XAF1: variants seen among roughly 807,000 people sequenced by gnomAD.
XAF1 encodes XIAP associated factor 1.
XAF1 carries 32 observed loss-of-function variants against 32.3 expected under a neutral mutation model. The observed-to-expected ratio is 0.99, with a 90% CI of 0.75 to 1.33. The LOEUF is 1.33. Among genes scored for constraint, XAF1 ranks in the 40% most tolerant of loss-of-function variants. The pLI, the probability that XAF1 is intolerant of heterozygous loss-of-function variation, is 0.00. For missense variants in XAF1, 379 were observed against 366.0 expected (o/e 1.04, Z -0.29); for synonymous variants, 120 against 125.9 (o/e 0.95, Z 0.31).
chr17:6,757,095 G>A (rs564746023), intron 1 of XAF1, among the ~76,000 whole-genome samples: 13 of 151,836 alleles, frequency 8.6e-5, no homozygotes, highest in African/African-American at 3.1e-4. Flanking sequence ...TTCATCTCTC[G>A]GGTTCAAGTG....
At chr17:6,761,309 A>T (rs1362520861) in intron 4 of XAF1, among the ~76,000 whole-genome samples, 1 of 152,186 alleles carries the variant, frequency 6.6e-6, no homozygotes, top group Non-Finnish European at 1.5e-5. Flanking sequence ...TAGAGGCAAA[A>T]ATAAGACTGG....
chr17:6,756,474 G>T (rs1306885948), intron 1 of XAF1, among the ~76,000 whole-genome samples: 1 of 151,942 alleles, frequency 6.6e-6, no homozygotes, highest in Non-Finnish European at 1.5e-5. Flanking sequence ...GTGAAAGAAA[G>T]TGTCCCACGG....
chr17:6,755,872 G>A, upstream of XAF1: 1 of 1,392,022 alleles, frequency 7.2e-7, no homozygotes, highest in Non-Finnish European at 9.3e-7. Context: ...AAGAATGACG[G>A]CCAAGGGCGA....
At chr17:6,760,983 C>T (rs1447506017) in intron 4 of XAF1, among the ~76,000 whole-genome samples, 2 of 152,038 alleles carry the variant, frequency 1.3e-5, no homozygotes, top group Admixed American at 6.5e-5. Flanking sequence ...GGAGAAACCC[C>T]GTCTCTACTA....
chr17:6,757,942 A>G (rs1321023738), intron 1 of XAF1, 147 bp from the exon 2 acceptor site: 5 of 1,069,150 alleles, frequency 4.7e-6, no homozygotes, highest in Non-Finnish European at 4.1e-6. Context: ...GGACCCACAC[A>G]GGGAGTGTGG....
intron 5 of XAF1, among the ~76,000 whole-genome samples, chr17:6,767,902 T>C (rs1363092917): frequency 1.3e-5 from 2 of 152,212 alleles, no homozygotes; most frequent in African/African-American, 4.8e-5. Flanking sequence ...ATACTTGACT[T>C]AATAAAGTCT....
In XAF1 at chr17:6,759,772, A is replaced by C. The variant is rs191877368; in HGVS notation, c.225+54A>C. On this transcript the variant is annotated intron_variant, in intron 3 of 6. Transcript: ENST00000361842. ...CAGCCAAATAGACCAACCTGAGAAA[A>C]GGAGAGGAAGGGGAAACGGGAGGCC... 1.9e-6 allele frequency: 3 copies of C among 1,613,450 alleles called. No individual in the cohort carries two copies. The African/African-American group carries it at 4.0e-5, about 22-fold the overall frequency.
Position 6,761,078 on chromosome 17 carries a change from C to T in XAF1, c.421+477C>T, listed in dbSNP as rs569003911. On this transcript the variant is annotated intron_variant, in intron 4 of 6. Coordinates refer to ENST00000361842, the MANE Select transcript of XAF1 (RefSeq NM_017523.5). ...CTGAGGCAGGAGAATCACTTGAACC[C>T]GGTAGGCGGAGGTTGCAGTGAGTCG... Among the ~76,000 whole-genome samples, 242 of 152,190 alleles carry T rather than the reference C, an allele frequency of 1.6e-3. 1 individual carries two copies. Among genetic ancestry groups the T allele is most frequent in the Middle Eastern group, 3.4e-3 (1 of 294 alleles).
chr17:6,764,712 T>A (rs1000328839), intron 5 of XAF1, among the ~76,000 whole-genome samples: 2 of 152,072 alleles, frequency 1.3e-5, no homozygotes, highest in East Asian at 3.9e-4. Context: ...TAAGCTACCA[T>A]CTTGTTTCTT....
chr17:6,760,283 G>A (rs2151533613), intron 3 of XAF1, 123 bp from the exon 4 acceptor site: 1 of 939,436 alleles, frequency 1.1e-6, no homozygotes, highest in East Asian at 2.7e-5. Context: ...GGGAGGCGGA[G>A]GTTGCAGTGA....
At chr17:6,759,249 C>T (rs1410305064) in intron 2 of XAF1, 8 of 1,102,396 alleles carry the variant, frequency 7.3e-6, no homozygotes, top group Non-Finnish European at 1.1e-6. Context: ...CAATCCTTTC[C>T]CTACAGGCTT....
intron 6 of XAF1, 79 bp downstream of exon 6, chr17:6,771,063 T>C (rs911958380): frequency 1.2e-5 from 18 of 1,486,058 alleles, no homozygotes; most frequent in Non-Finnish European, 1.6e-5. Flanking sequence ...ACCTGAAAGA[T>C]GTTCACAAAT....
chr17:6,766,081 C>T (rs1006588787), intron 5 of XAF1, among the ~76,000 whole-genome samples: 2 of 152,140 alleles, frequency 1.3e-5, no homozygotes, highest in Non-Finnish European at 2.9e-5. Flanking sequence ...TACCTCCTCA[C>T]CTTCCCCACC....
rs2151525879 is a variant in XAF1 at position 6,758,148 on chromosome 17, T to C, written c.92T>C (p.Leu31Pro). ...TLHEAYCLRF[L>P]VLCPECEEPV... ...CATGAGGCTTACTGCCTGCGGTTCC[T>C]GGTCCTGTGTCCGGAGTGTGAGGAG... Residue 31 changes from leucine to proline, a missense_variant, in exon 2 of 7, where the codon CTG becomes CCG. Leu to Pro is a moderately conservative substitution (Grantham distance 98). Transcript: ENST00000361842. The C allele has an allele frequency of 6.2e-7, 1 of 1,614,274 alleles. No individual in the cohort carries two copies. The highest frequency in any genetic ancestry group is 2.2e-5 in the East Asian group (1 of 44,888).
At chr17:6,765,283 G>A (rs184487293) in intron 5 of XAF1, among the ~76,000 whole-genome samples, 11 of 152,138 alleles carry the variant, frequency 7.2e-5, no homozygotes, top group South Asian at 4.1e-4. Flanking sequence ...TGTGGTGGTG[G>A]GTGACTATAG....
At chr17:6,755,673 G>A, upstream of XAF1, 1 of 1,042,180 alleles carries the variant, frequency 9.6e-7, no homozygotes, top group Non-Finnish European at 1.2e-6. Context: ...CTTTCCTGCA[G>A]GGGAGGACCA....
rs1034278297 is a variant in XAF1 at position 6,774,236 on chromosome 17, C to T, written c.*1067C>T. ...AAAGCAGACACATAGATCAATGGAA[C>T]AGAATAGAGGGCCCAGAAATAAAGC... On this transcript the variant is annotated 3_prime_UTR_variant, in exon 7 of 7. Transcript: ENST00000361842. 3 of 152,098 alleles carry T rather than the reference C, an allele frequency of 2.0e-5. No homozygotes were observed. The highest frequency in any genetic ancestry group is 2.9e-5 in the Non-Finnish European group (2 of 68,018). The allele number at this position is 152,098 out of a possible 1,614,324, so 9.4% of individuals were successfully genotyped here.
chr17:6,761,769 A>C (rs2151537821), intron 4 of XAF1: 1 of 1,173,422 alleles, frequency 8.5e-7, no homozygotes, highest in East Asian at 5.5e-5. Flanking sequence ...TGTCAACAAA[A>C]ATGTGTTCAA....
Position 6,758,512 on chromosome 17 carries a change from G to A in XAF1, c.168+288G>A, listed in dbSNP as rs28602899. On this transcript the variant is annotated intron_variant, in intron 2 of 6. Coordinates refer to ENST00000361842, the MANE Select transcript of XAF1 (RefSeq NM_017523.5). ...ATGGGGTCTGGGAGTCAAGGCGAGTGTTCAGTCCTCTCTGCAGGACAGATG... is the reference window on the plus strand; with the variant it reads ...ATGGGGTCTGGGAGTCAAGGCGAGTATTCAGTCCTCTCTGCAGGACAGATG... 5.2e-3 allele frequency: 2,442 copies of A among 465,848 alleles called. 78 individuals carry two copies. The highest frequency in any genetic ancestry group is 0.049 in the African/African-American group (2,245 of 45,576). The allele number at this position is 465,848 out of a possible 1,614,324, so 28.9% of individuals were successfully genotyped here.
Sources: allele counts gnomAD v4.1 joint callset (sites outside exome capture counted in the v4.1 genomes callset), GRCh38; gene constraint gnomAD v4.1.1; transcripts MANE v1.5; gene names NCBI Gene and HGNC (gene_info 2026-07-23, HGNC 2026-07-21).